The following CTNNA2 variants were observed in gnomAD, a reference collection of about 807,000 sequenced individuals.
CTNNA2 encodes catenin alpha 2.
CTNNA2 carries 42 observed loss-of-function variants against 101.0 expected under a neutral mutation model. The ratio of observed to expected loss-of-function variants is 0.42; its 90% CI spans 0.32 to 0.54. The LOEUF is 0.54. Ranked by LOEUF, CTNNA2 falls within the 20% of genes least tolerant of loss-of-function variation. CTNNA2 has a pLI of 0.14. For synonymous variants in CTNNA2, 450 were observed against 456.4 expected, an observed-to-expected ratio of 0.99 and a Z score of 0.18; for missense variants, 871 against 1,223.1, an observed-to-expected ratio of 0.71 and a Z score of 4.29.
chr2:79,612,070 A>G (rs1235514276), intron 1 of CTNNA2, among the ~76,000 whole-genome samples: 1 of 152,178 alleles, frequency 6.6e-6, no homozygotes, highest in East Asian at 1.9e-4. Flanking sequence ...CTTTATGCTC[A>G]GCACGTTTTC....
intron 7 of CTNNA2, among the ~76,000 whole-genome samples, chr2:80,169,681 C>T (rs1250244449): frequency 6.6e-6 from 1 of 152,122 alleles, no homozygotes; most frequent in Non-Finnish European, 1.5e-5. Context: ...ACCCACAGAG[C>T]CCTGAGCAAC....
At chr2:79,227,243 T>C (rs1026332667) in intron 2 of CTNNA2, among the ~76,000 whole-genome samples, 4 of 152,154 alleles carry the variant, frequency 2.6e-5, no homozygotes, top group Non-Finnish European at 5.9e-5. Flanking sequence ...AGTTTTAATC[T>C]GGGCATGCAA....
At chr2:80,494,494 T>C (rs762782494) in intron 9 of CTNNA2, among the ~76,000 whole-genome samples, 9 of 152,168 alleles carry the variant, frequency 5.9e-5, no homozygotes, top group Non-Finnish European at 1.3e-4. Context: ...GGGGGGACTA[T>C]ACATAGATTT....
chr2:80,122,661 A>G (rs565197414), intron 7 of CTNNA2, among the ~76,000 whole-genome samples: 1 of 152,252 alleles, frequency 6.6e-6, no homozygotes, highest in African/African-American at 2.4e-5. Context: ...ACACTCAATA[A>G]ATGTCTGCTA....
chr2:80,544,649 C>T (rs1691879422), intron 9 of CTNNA2, among the ~76,000 whole-genome samples: 1 of 152,052 alleles, frequency 6.6e-6, no homozygotes. Context: ...TGGCCGAGAT[C>T]ACAGGGTTTT....
At chr2:80,162,910 T>A (rs1488554981) in intron 7 of CTNNA2, 2 of 1,563,380 alleles carry the variant, frequency 1.3e-6, no homozygotes, top group Non-Finnish European at 1.8e-6. Flanking sequence ...CTGCTAGGAG[T>A]TGTGGAGGTA....
At chr2:80,581,571 CA>C in intron 13 of CTNNA2, 134 bp from the exon 14 acceptor site, 1 of 602,488 alleles carries the variant, frequency 1.7e-6, no homozygotes, top group Non-Finnish European at 3.0e-6. Flanking sequence ...TACTCACCCA[CA>C]TAGCTGTGTG....
At chr2:80,601,067 C>T (rs1422623459) in intron 15 of CTNNA2, among the ~76,000 whole-genome samples, 1 of 152,130 alleles carries the variant, frequency 6.6e-6, no homozygotes, top group East Asian at 1.9e-4. Flanking sequence ...AGTAAATATT[C>T]CCATTATGGC....
rs150965882 is a variant in CTNNA2, at chr2:79,557,795, A to G, written c.-6+44588A>G. Among the ~76,000 whole-genome samples, 390 of 152,056 alleles carry G rather than the reference A, an allele frequency of 2.6e-3. 4 individuals carry two copies. Among genetic ancestry groups the G allele is most frequent in the African/African-American group, 8.9e-3 (368 of 41,538 alleles). On this transcript the variant is annotated intron_variant, in intron 1 of 18. Transcript: ENST00000402739. ...TTGGCTTCTCTGCAGATGTGTCTAC[A>G]TAGGATTGGCTTCCTAAACTGGTAT...
At chr2:79,528,346 G>A (rs1308382868) in intron 1 of CTNNA2, among the ~76,000 whole-genome samples, 1 of 151,732 alleles carries the variant, frequency 6.6e-6, no homozygotes, top group East Asian at 1.9e-4. Context: ...ACAGTAGCTG[G>A]GATTATAGGG....
At chr2:80,209,768 A>G (rs76039566) in intron 7 of CTNNA2, among the ~76,000 whole-genome samples, 4,591 of 152,296 alleles carry the variant, frequency 0.03, 244 homozygotes, top group African/African-American at 0.1. Flanking sequence ...CAGTCAGTTA[A>G]GAGGTTCCTC....
intron 7 of CTNNA2, among the ~76,000 whole-genome samples, chr2:80,251,945 A>C (rs1671801131): frequency 6.6e-6 from 1 of 152,206 alleles, no homozygotes; most frequent in Non-Finnish European, 1.5e-5. Flanking sequence ...CTGCAGTTTT[A>C]GTTATTTTAA....
At chr2:79,278,954 T>C (rs1305823198) in intron 2 of CTNNA2, among the ~76,000 whole-genome samples, 1 of 152,124 alleles carries the variant, frequency 6.6e-6, no homozygotes, top group Non-Finnish European at 1.5e-5. Flanking sequence ...AAGTGTCAGC[T>C]GGTCAGCCTC....
intron 2 of CTNNA2, among the ~76,000 whole-genome samples, chr2:79,217,399 GA>G (rs1674280345): frequency 6.6e-6 from 1 of 152,130 alleles, no homozygotes; most frequent in East Asian, 1.9e-4. Flanking sequence ...GGCTGAGTCT[GA>G]AAAGAGAGTC....
At chr2:80,145,528 T>C (rs1703280421) in intron 7 of CTNNA2, among the ~76,000 whole-genome samples, 1 of 152,226 alleles carries the variant, frequency 6.6e-6, no homozygotes, top group South Asian at 2.1e-4. Context: ...CTACTCCATA[T>C]GGAATACACA....
At chr2:79,476,550 G>A (rs1484942861) in intron 4 of CTNNA2, among the ~76,000 whole-genome samples, 1 of 152,088 alleles carries the variant, frequency 6.6e-6, no homozygotes, top group Non-Finnish European at 1.5e-5. Flanking sequence ...CATGGAAGGG[G>A]GACAAAACAT....
chr2:79,837,251 G>A (rs1356348732), intron 3 of CTNNA2, among the ~76,000 whole-genome samples: 4 of 152,174 alleles, frequency 2.6e-5, no homozygotes, highest in African/African-American at 9.7e-5. Flanking sequence ...GAAATCTAAT[G>A]TTTGAGGGCA....
At chr2:80,222,155 G>A (rs1407452804) in intron 7 of CTNNA2, among the ~76,000 whole-genome samples, 3 of 152,048 alleles carry the variant, frequency 2.0e-5, no homozygotes, top group Admixed American at 2.0e-4. Flanking sequence ...GAAAAGCACT[G>A]GTGACAAAAA....
At chr2:79,750,871 CAA>C (rs561864179) in intron 3 of CTNNA2, among the ~76,000 whole-genome samples, 11 of 113,430 alleles carry the variant, frequency 9.7e-5, no homozygotes, top group South Asian at 3.0e-4. Context: ...GACTCTGTCT[CAA>C]AAAAAAAAAA....
Sources: gnomAD v4.1 joint callset for allele counts (sites outside exome capture counted in the v4.1 genomes callset) on GRCh38, gnomAD v4.1.1 for gene constraint, MANE v1.5 for transcripts, NCBI Gene and HGNC (gene_info 2026-07-23, HGNC 2026-07-21) for gene names.